Variants in ERCC2 observed in about 807,000 individuals in gnomAD.
ERCC2 encodes ERCC excision repair 2, TFIIH core complex helicase subunit.
In ERCC2, 90 loss-of-function variants were observed where a neutral mutation model predicts 99.4. The observed-to-expected ratio is 0.91, with a 90% CI of 0.76 to 1.08. The LOEUF is 1.08. Among genes scored for constraint, ERCC2 ranks in the 50% least tolerant of loss-of-function variants. The pLI, the probability that ERCC2 is intolerant of heterozygous loss-of-function variation, is 0.00. For synonymous variants in ERCC2, 497 were observed against 432.4 expected (o/e 1.15, Z -1.85); for missense variants, 993 against 1,038.1 (o/e 0.96, Z 0.60).
intron 17 of ERCC2, among the ~76,000 whole-genome samples, chr19:45,354,056 A>G (rs1182514289): frequency 6.6e-6 from 1 of 152,130 alleles, no homozygotes; most frequent in African/African-American, 2.4e-5. Flanking sequence ...GGCTGTGAGG[A>G]TGACGTTCCC....
rs377739888 is a variant in ERCC2, at chr19:45,357,660, G to A, written c.1277C>T (p.Pro426Leu). 9.7e-5 allele frequency: 156 copies of A among 1,613,942 alleles called. 2 individuals carry two copies. The highest frequency in any genetic ancestry group is 9.2e-4 in the South Asian group (84 of 91,086). Residue 426 changes from proline (P) to leucine (L), a missense_variant, in exon 13 of 23, where the codon CCG becomes CTG. Around this residue, in one of 3 missense-constraint regions of ERCC2, gnomAD observed 909 missense variants for 930.8 expected, o/e 0.98. Coordinates refer to ENST00000391945, the MANE Select transcript of ERCC2 (RefSeq NM_000400.4). ...GTGCAGGATGGGGTTGGCAATGGTC[G>A]GGGTTCTGTCGTCAAAGGGCTCGAT... ...IIIEPFDDRT[P>L]TIANPILHFS... is the part of the protein sequence containing the mutation.
intron 11 of ERCC2, 30 bp from the exon 12 acceptor site, chr19:45,361,672 G>A (rs1256863528): frequency 7.4e-6 from 11 of 1,487,600 alleles, no homozygotes; most frequent in South Asian, 6.8e-5. Flanking sequence ...GGGTCGGGGG[G>A]CAGACGGAAG....
At chr19:45,370,310 C>T (rs1440435463) in intron 1 of ERCC2, 78 bp from the exon 2 acceptor site, 1 of 1,576,256 alleles carries the variant, frequency 6.3e-7, no homozygotes, top group Non-Finnish European at 8.6e-7. Context: ...TCGTCGAGCC[C>T]AGAGAAGGGT....
In ERCC2 at chr19:45,351,569, ACCAGGG is replaced by A; in HGVS notation, c.*54_*59del. On this transcript the variant is annotated 3_prime_UTR_variant, in exon 23 of 23. Transcript: ENST00000391945. ...CCTTCTAGCACCACCGCCGCTGGGAACCAGGGCCAGGCAAGACTCAGGAGTCACCAG... is the reference window on the plus strand; with the variant it reads ...CCTTCTAGCACCACCGCCGCTGGGAACCAGGCAAGACTCAGGAGTCACCAG... The A allele has an allele frequency of 6.2e-7, 1 of 1,610,354 alleles. No homozygotes were observed. Among genetic ancestry groups the A allele is most frequent in the Non-Finnish European group, 8.5e-7 (1 of 1,179,480 alleles).
chr19:45,360,603 C>T (rs1972185917), intron 12 of ERCC2, among the ~76,000 whole-genome samples: 1 of 152,044 alleles, frequency 6.6e-6, no homozygotes, highest in Non-Finnish European at 1.5e-5. Flanking sequence ...GTCTCAAACT[C>T]CTGACCTCAA....
At chr19:45,361,414 G>A in intron 12 of ERCC2, 110 bp downstream of exon 12, 1 of 831,490 alleles carries the variant, frequency 1.2e-6, no homozygotes, top group South Asian at 1.3e-5. Flanking sequence ...ACACTTCCAA[G>A]CCAAACCCCA....
At chr19:45,363,961 G>GGC in intron 10 of ERCC2, 25 bp downstream of exon 10, 2 of 1,538,020 alleles carry the variant, frequency 1.3e-6, no homozygotes, top group Non-Finnish European at 1.7e-6. Context: ...AAGGGACTGG[G>GGC]GGGCAGCGGG....
intron 15 of ERCC2, among the ~76,000 whole-genome samples, chr19:45,356,677 G>T (rs564191226): frequency 6.6e-6 from 1 of 152,264 alleles, no homozygotes; most frequent in African/African-American, 2.4e-5. Context: ...GGGCATCGTG[G>T]CACATGCCTG....
chr19:45,369,295 C>T, intron 2 of ERCC2, 148 bp from the exon 3 acceptor site: 1 of 701,212 alleles, frequency 1.4e-6, no homozygotes, highest in Non-Finnish European at 2.6e-6. Flanking sequence ...GGGTTTGAAC[C>T]TCACTTCTGC....
chr19:45,362,295 G>A (rs533389955), intron 11 of ERCC2, among the ~76,000 whole-genome samples: 10 of 152,210 alleles, frequency 6.6e-5, no homozygotes, highest in South Asian at 4.1e-4. Context: ...CATTAATCCC[G>A]CATGGCCACA....
intron 12 of ERCC2, chr19:45,359,075 T>C: frequency 3.3e-6 from 2 of 599,118 alleles, no homozygotes; most frequent in South Asian, 4.1e-5. Context: ...TGTCCTCAGA[T>C]AGTGATGACT....
At chr19:45,358,905 A>G in intron 12 of ERCC2, 1 of 776,076 alleles carries the variant, frequency 1.3e-6, no homozygotes, top group East Asian at 2.4e-5. Flanking sequence ...CACAGTGCTG[A>G]GCCTGGCCTG....
rs754967981 is a variant in ERCC2 at position 45,352,542 on chromosome 19, G to C, written c.2010C>G (p.Gly670=). 1 of 1,614,184 alleles carries C rather than the reference G, an allele frequency of 6.2e-7. No homozygotes were observed. Among genetic ancestry groups the C allele is most frequent in the Non-Finnish European group, 8.5e-7 (1 of 1,180,050 alleles). Residue 670 remains glycine (G), a synonymous_variant, in exon 21 of 23, where the codon GGC becomes GGG. Coordinates refer to ENST00000391945, the MANE Select transcript of ERCC2 (RefSeq NM_000400.4). The part of the protein sequence containing the change: ...AAQCVGRAIR[G]KTDYGLMVFA... ...AGACCATGAGGCCGTAGTCCGTCTT[G>C]CCCCTGATGGCCCGACCCACACACT...
intron 16 of ERCC2, among the ~76,000 whole-genome samples, chr19:45,355,258 G>A (rs1400665823): frequency 6.6e-6 from 1 of 152,224 alleles, no homozygotes; most frequent in Non-Finnish European, 1.5e-5. Context: ...TCGGGAGGCT[G>A]AGGCATGAGA....
In ERCC2 at chr19:45,370,525, C is replaced by A; in HGVS notation, c.5+11G>T. 2 of 1,590,944 alleles carry A rather than the reference C, an allele frequency of 1.3e-6. No individual in the cohort carries two copies. The highest frequency in any genetic ancestry group is 1.1e-5 in the South Asian group (1 of 88,504). ...CCCGCTAGCGAGCGCGACCCCCAGC[C>A]CCCTTCTCACTTCATGGCGCCGGCC... is the stretch of plus-strand genomic sequence containing the variant. On this transcript the variant is annotated intron_variant, in intron 1 of 22. Coordinates refer to ENST00000391945, the MANE Select transcript of ERCC2 (RefSeq NM_000400.4).
intron 15 of ERCC2, among the ~76,000 whole-genome samples, chr19:45,356,137 C>T (rs1972004325): frequency 1.3e-5 from 2 of 152,152 alleles, no homozygotes; most frequent in Non-Finnish European, 2.9e-5. Context: ...CAGCTACACT[C>T]TAGCCAGCCC....
rs748551393 is a variant in ERCC2 at position 45,370,565 on chromosome 19, G to T, written c.-25C>A. On this transcript the variant is annotated 5_prime_UTR_variant, in exon 1 of 23. Coordinates refer to ENST00000391945, the MANE Select transcript of ERCC2 (RefSeq NM_000400.4). ...TGGCGCCGGCCGGACTGTGCAGCGG[G>T]GTCGACCCGCCTCCCTCATGAATAT... The T allele has an allele frequency of 3.1e-6, 5 of 1,591,074 alleles. No homozygotes were observed. Among genetic ancestry groups the T allele is most frequent in the Non-Finnish European group, 4.3e-6 (5 of 1,174,056 alleles).
In ERCC2 at chr19:45,370,152, T is replaced by G. The variant is rs773018804; in HGVS notation, c.86A>C (p.Lys29Thr). The change falls in exon 2 of 23, where the codon AAA becomes ACA. Residue 29 changes from lysine to threonine, a missense_variant. This residue lies in a region of ERCC2 where 55 missense variants were observed against 45.1 expected (regional missense o/e 1.22). Transcript: ENST00000391945. ...ACCCACCTTGGCGTCCAGCGTGCGTTTGAGCTCCCGCATGTAGGAGAACTG... is the reference window on the plus strand; with the variant it reads ...ACCCACCTTGGCGTCCAGCGTGCGTGTGAGCTCCCGCATGTAGGAGAACTG... ...PEQFSYMRELKRTLDAKGHGV... is the reference protein window; with the variant it reads ...PEQFSYMRELTRTLDAKGHGV... The G allele has an allele frequency of 3.1e-6, 5 of 1,613,112 alleles. No homozygotes were observed. The East Asian group carries it at 8.9e-5, about 29-fold the overall frequency.
rs1972328596 is a variant in ERCC2, at chr19:45,364,031, C to T, written c.904G>A (p.Asp302Asn). The change falls in exon 10 of 23, where the codon GAC becomes AAC. Residue 302 changes from aspartate (D) to asparagine (N), a missense_variant. Physicochemically the swap from Asp to Asn is conservative, Grantham distance 23. Coordinates refer to ENST00000391945, the MANE Select transcript of ERCC2 (RefSeq NM_000400.4). The stretch of plus-strand genomic sequence containing the variant: ...AGCACGGGGTTGGCCAGGTGGGCGT[C>T]CGTCTCCCGGGCGGCGCTGGCCTCC... ...LREASAARET[D>N]AHLANPVLPD... The T allele has an allele frequency of 2.6e-6, 4 of 1,556,814 alleles. No individual in the cohort carries two copies. The highest frequency in any genetic ancestry group is 2.7e-5 in the African/African-American group (2 of 73,492).
Sources: allele counts gnomAD v4.1 joint callset (sites outside exome capture counted in the v4.1 genomes callset), GRCh38; gene constraint gnomAD v4.1.1; regional missense constraint gnomAD v4.1.1; transcripts MANE v1.5; gene names NCBI Gene and HGNC (gene_info 2026-07-23, HGNC 2026-07-21).